LRRC19: variants seen among roughly 807,000 people sequenced by gnomAD.
The protein encoded by LRRC19 is leucine-rich repeat-containing protein 19.
LRRC19 carries 33 observed loss-of-function variants against 33.3 expected under a neutral mutation model. That is an observed-to-expected ratio of 0.99 (90% confidence interval 0.75 to 1.33). The LOEUF is 1.33. Among genes scored for constraint, LRRC19 ranks in the 40% most tolerant of loss-of-function variants. The pLI, the probability that LRRC19 is intolerant of heterozygous loss-of-function variation, is 0.00. For missense variants in LRRC19, 463 were observed against 417.3 expected (o/e 1.11, Z -0.95); for synonymous variants, 184 against 152.3 (o/e 1.21, Z -1.53).
rs112829794 is a variant in LRRC19 at position 27,003,180 on chromosome 9, A to AT, written c.-10+2411dup. ...TGAATTCAGTTGTCAGTTTTTACAG[A>AT]TTTTTTGTGGAGTATTTAGGGTTTG... On this transcript the variant is annotated intron_variant, in intron 1 of 4. Transcript: ENST00000380055. Among the ~76,000 whole-genome samples, 16 of 151,372 alleles carry AT rather than the reference A, an allele frequency of 1.1e-4. 2 individuals are homozygous for AT. Among genetic ancestry groups the AT allele is most frequent in the African/African-American group, 3.2e-4 (13 of 41,254 alleles).
intron 1 of LRRC19, among the ~76,000 whole-genome samples, chr9:27,000,353 G>C (rs1218015306): frequency 6.6e-6 from 1 of 152,126 alleles, no homozygotes; most frequent in Admixed American, 6.5e-5. Context: ...GTATATTTAT[G>C]CATGTTTAAG....
Position 26,995,529 on chromosome 9 carries a change from C to G in LRRC19, c.1105G>C (p.Glu369Gln). The change falls in exon 5 of 5, where the codon GAA becomes CAA. Residue 369 changes from glutamate to glutamine, a missense_variant. Transcript: ENST00000380055. The stretch of plus-strand genomic sequence containing the variant: ...GCAAACTTTGAAAGAAATTAATTTT[C>G]TTCACATAATTCATGGATATCTATA... ...KYIDIHELCE[E>Q]N 6.5e-7 allele frequency: 1 copy of G among 1,535,886 alleles called. No homozygotes were observed. Among genetic ancestry groups the G allele is most frequent in the Non-Finnish European group, 8.8e-7 (1 of 1,131,788 alleles).
In LRRC19 at chr9:26,995,625, C is replaced by T. The variant is rs1455961672; in HGVS notation, c.1009G>A (p.Glu337Lys). Residue 337 changes from glutamate (E) to lysine (K), a missense_variant, in exon 5 of 5, where the codon GAA becomes AAA. Coordinates refer to ENST00000380055, the MANE Select transcript of LRRC19 (RefSeq NM_022901.3). ...LSQIPETNSE[E>K]TTVIFEQLHS... is the part of the protein sequence containing the mutation. ...AATTGTTCAAATATTACTGTAGTTTCTTCAGAGTTTGTTTCTGGTATCTGT... is the reference window on the plus strand; with the variant it reads ...AATTGTTCAAATATTACTGTAGTTTTTTCAGAGTTTGTTTCTGGTATCTGT... 1.2e-6 allele frequency: 2 copies of T among 1,613,044 alleles called. No homozygotes were observed. Among genetic ancestry groups the T allele is most frequent in the South Asian group, 2.2e-5 (2 of 91,042 alleles).
chr9:26,998,722 G>A (rs187793906), intron 2 of LRRC19, among the ~76,000 whole-genome samples: 11 of 151,966 alleles, frequency 7.2e-5, no homozygotes, highest in Admixed American at 5.2e-4. Flanking sequence ...GGTGGCTCAC[G>A]CCTGTAATCC....
chr9:26,999,511 G>T, intron 2 of LRRC19, 103 bp downstream of exon 2: 1 of 789,476 alleles, frequency 1.3e-6, no homozygotes, highest in Non-Finnish European at 2.0e-6. Context: ...AATTTTAGTA[G>T]GTCAGATTTT....
chr9:27,000,859 T>G (rs1448584813), intron 1 of LRRC19, among the ~76,000 whole-genome samples: 3 of 152,198 alleles, frequency 2.0e-5, no homozygotes, highest in African/African-American at 7.2e-5. Context: ...AAAAAATTAC[T>G]GTAAACTATA....
intron 1 of LRRC19, among the ~76,000 whole-genome samples, chr9:27,000,156 C>A (rs1828401010): frequency 6.6e-6 from 1 of 152,268 alleles, no homozygotes; most frequent in South Asian, 2.1e-4. Context: ...GCACTCTGAT[C>A]TTAATAAACT....
At chr9:26,999,740 T>TTA in intron 1 of LRRC19, 37 bp from the exon 2 acceptor site, 1 of 1,423,004 alleles carries the variant, frequency 7.0e-7, no homozygotes, top group Non-Finnish European at 9.6e-7. Flanking sequence ...AAGGACATTT[T>TTA]TATTTTTCCC....
chr9:26,996,212 C>T, intron 4 of LRRC19, 99 bp downstream of exon 4: 2 of 783,054 alleles, frequency 2.6e-6, no homozygotes, highest in East Asian at 3.1e-5. Flanking sequence ...AGGAATCTTT[C>T]TTTTACATTT....
chr9:27,000,227 T>A (rs1222640486), intron 1 of LRRC19, among the ~76,000 whole-genome samples: 1 of 152,192 alleles, frequency 6.6e-6, no homozygotes, highest in African/African-American at 2.4e-5. Context: ...AAAATTAATA[T>A]TTTTAAGTGT....
intron 1 of LRRC19, among the ~76,000 whole-genome samples, chr9:27,005,359 C>A (rs1429261499): frequency 6.2e-5 from 3 of 48,028 alleles, no homozygotes; most frequent in Non-Finnish European, 1.2e-4. Context: ...ATTTCCCCCC[C>A]CGCCCCCCGC....
At chr9:27,001,608 T>C (rs1177849242) in intron 1 of LRRC19, among the ~76,000 whole-genome samples, 1 of 152,236 alleles carries the variant, frequency 6.6e-6, no homozygotes, top group Non-Finnish European at 1.5e-5. Flanking sequence ...TGTGTGTTTT[T>C]TGAGAAATAT....
intron 1 of LRRC19, among the ~76,000 whole-genome samples, chr9:27,004,613 T>G (rs1482894621): frequency 6.6e-6 from 1 of 152,236 alleles, no homozygotes; most frequent in Non-Finnish European, 1.5e-5. Context: ...AAATTATCCA[T>G]CAGTCAGTTT....
At chr9:27,002,831 T>A (rs1828572814) in intron 1 of LRRC19, among the ~76,000 whole-genome samples, 1 of 152,200 alleles carries the variant, frequency 6.6e-6, no homozygotes, top group South Asian at 2.1e-4. Context: ...ATGAAGAGCG[T>A]CACTGTATTT....
In LRRC19 at chr9:26,993,790, C is replaced by T. The variant is rs551197620; in HGVS notation, c.*1731G>A. 6.6e-5 allele frequency: 10 copies of T among 152,268 alleles called. No homozygotes were observed. The South Asian group carries it at 8.3e-4, about 13-fold the overall frequency. 9.4% of individuals were successfully genotyped at this position (152,268 alleles called of 1,614,324 possible). A position where few individuals can be genotyped will look rare whatever the true frequency, so the allele number is the denominator to read the frequency against. On this transcript the variant is annotated 3_prime_UTR_variant, in exon 5 of 5. Coordinates refer to ENST00000380055, the MANE Select transcript of LRRC19 (RefSeq NM_022901.3). ...CCATCAGCTCATATTTGACCTTGCT[C>T]CATCCATACCTCTAGCCACTGTTCC...
Position 26,999,695 on chromosome 9 carries a change from G to A in LRRC19, c.-1C>T, listed in dbSNP as rs559912717. On this transcript the variant is annotated 5_prime_UTR_variant, in exon 2 of 5. Coordinates refer to ENST00000380055, the MANE Select transcript of LRRC19 (RefSeq NM_022901.3). Reference sequence around the variant, plus strand: ...GGATTGTGATGCCTGTGACTTTCATGTTGCAGACCTGATAGAAAAGAGAGT... The same window carrying A: ...GGATTGTGATGCCTGTGACTTTCATATTGCAGACCTGATAGAAAAGAGAGT... 2 of 1,590,492 alleles carry A rather than the reference G, an allele frequency of 1.3e-6. No homozygotes were observed. Among genetic ancestry groups the A allele is most frequent in the African/African-American group, 2.7e-5 (2 of 73,536 alleles).
rs1446939861 is a variant in LRRC19, at chr9:27,005,592, C to T, written c.-10G>A. The T allele has an allele frequency of 2.0e-5, 3 of 151,402 alleles. No homozygotes were observed. Among genetic ancestry groups the T allele is most frequent in the African/African-American group, 7.3e-5 (3 of 41,228 alleles). 9.4% of individuals were successfully genotyped at this position (151,402 alleles called of 1,614,324 possible). A position where few individuals can be genotyped will look rare whatever the true frequency, so the allele number is the denominator to read the frequency against. On this transcript the variant is annotated splice_region_variant and 5_prime_UTR_variant, in exon 1 of 5. Transcript: ENST00000380055. ...AAAGCTATAAATATACATATCTTAC[C>T]TTTTTTTCTTTTGTCTCTAAGACTT...
intron 1 of LRRC19, among the ~76,000 whole-genome samples, chr9:27,001,506 G>A (rs927635990): frequency 2.0e-5 from 3 of 152,086 alleles, no homozygotes; most frequent in Non-Finnish European, 4.4e-5. Flanking sequence ...TACTTTAATG[G>A]GGGTGAGATT....
rs754861394 is a variant in LRRC19, at chr9:26,995,445, T to C, written c.*76A>G. On this transcript the variant is annotated 3_prime_UTR_variant, in exon 5 of 5. Coordinates refer to ENST00000380055, the MANE Select transcript of LRRC19 (RefSeq NM_022901.3). The stretch of plus-strand genomic sequence containing the variant: ...AATGCCTGCCAGCTGTATTTTGTTA[T>C]GTCACATAGCAAAATCTCCATATCT... 6.2e-6 allele frequency: 5 copies of C among 804,400 alleles called. No individual in the cohort carries two copies. Among genetic ancestry groups the C allele is most frequent in the Non-Finnish European group, 7.8e-6 (4 of 513,702 alleles). The allele number at this position is 804,400 out of a possible 1,614,324, so 49.8% of individuals were successfully genotyped here. A position where few individuals can be genotyped will look rare whatever the true frequency, so the allele number is the denominator to read the frequency against.
Sources: gnomAD v4.1 joint callset for allele counts (sites outside exome capture counted in the v4.1 genomes callset) on GRCh38, gnomAD v4.1.1 for gene constraint, MANE v1.5 for transcripts, NCBI Gene and HGNC (gene_info 2026-07-23, HGNC 2026-07-21) for gene names.